The following BCL7A variants were observed in gnomAD, a reference collection of about 807,000 sequenced individuals.
The protein encoded by BCL7A is B-cell CLL/lymphoma 7 protein family member A.
BCL7A carries 11 observed loss-of-function variants against 28.4 expected under a neutral mutation model. That is an observed-to-expected ratio of 0.39 (90% CI 0.24 to 0.64). The LOEUF (loss-of-function observed/expected upper bound fraction) is 0.64. Ranked by LOEUF, BCL7A falls within the 30% of genes least tolerant of loss-of-function variation. The pLI is 0.50. For synonymous variants in BCL7A, 123 were observed against 103.3 expected (o/e 1.19, Z -1.15); for missense variants, 222 against 274.8 (o/e 0.81, Z 1.36).
intron 2 of BCL7A, among the ~76,000 whole-genome samples, chr12:122,031,200 C>A (rs905605261): frequency 6.6e-6 from 1 of 152,036 alleles, no homozygotes; most frequent in Non-Finnish European, 1.5e-5. Flanking sequence ...CCAATTTTTT[C>A]GTATTTTTAG....
chr12:122,059,107 C>G lies in BCL7A; in HGVS notation c.577C>G (p.Pro193Ala), dbSNP rs548078714. 2 of 1,610,868 alleles carry G rather than the reference C, an allele frequency of 1.2e-6. No homozygotes were observed. The highest frequency in any genetic ancestry group is 1.7e-6 in the Non-Finnish European group (2 of 1,177,156). ...TCTCCCCAAGGATTTGGAAGGAGTG[C>G]CACCCTCTAAAAAGATGAAACTGGA... The part of the protein sequence containing the change: ...SAISQDLEGV[P>A]PSKKMKLEAS... Residue 193 changes from proline to alanine, a missense_variant, in exon 6 of 6, where the codon CCA becomes GCA. Pro to Ala is a conservative substitution (Grantham distance 27). Around this residue, in one of 2 missense-constraint regions of BCL7A, gnomAD observed 155 missense variants for 145.7 expected, o/e 1.06. Transcript: ENST00000261822. This position sits in a 1 kb window ranked among gnomAD's most constrained non-coding sequence, Gnocchi z 4.0.
intron 5 of BCL7A, among the ~76,000 whole-genome samples, chr12:122,056,866 G>A (rs1275283387): frequency 2.6e-5 from 4 of 152,152 alleles, no homozygotes; most frequent in African/African-American, 9.6e-5. Context: ...CTGACTCCCT[G>A]CGATCCCTGC....
At chr12:122,058,996 C>A in intron 5 of BCL7A, 96 bp from the exon 6 acceptor site, 2 of 1,090,896 alleles carry the variant, frequency 1.8e-6, no homozygotes, top group Non-Finnish European at 2.8e-6. Flanking sequence ...GCCGCCCCCG[C>A]TCGGTTCCTT....
chr12:122,023,947 G>A (rs1883545132), intron 1 of BCL7A, among the ~76,000 whole-genome samples: 1 of 152,198 alleles, frequency 6.6e-6, no homozygotes, highest in East Asian at 1.9e-4. Context: ...GCTCGAGGAG[G>A]CGTGGTGGGG....
chr12:122,058,948 T>G, intron 5 of BCL7A, 144 bp from the exon 6 acceptor site: 1 of 637,348 alleles, frequency 1.6e-6, no homozygotes, highest in Non-Finnish European at 2.8e-6. Flanking sequence ...AGTCCACGCT[T>G]GGGCCTCGGG....
chr12:122,047,638 C>T (rs1189076912), intron 4 of BCL7A, among the ~76,000 whole-genome samples: 2 of 151,976 alleles, frequency 1.3e-5, no homozygotes. Context: ...GATCCTCCTG[C>T]CTCAGTCTCC....
chr12:122,024,118 C>T, intron 1 of BCL7A, among the ~76,000 whole-genome samples: 1 of 152,308 alleles, frequency 6.6e-6, no homozygotes. Context: ...GCCCGCTGAC[C>T]CCGCGGGGAC....
chr12:122,040,667 C>T (rs985949410), intron 3 of BCL7A, among the ~76,000 whole-genome samples: 1 of 151,718 alleles, frequency 6.6e-6, no homozygotes, highest in Admixed American at 6.6e-5. Context: ...TTTTAGTGCA[C>T]GTGCAGCCGA....
In BCL7A at chr12:122,061,463, C is replaced by T. The variant is rs565545947; in HGVS notation, c.*2300C>T. ...AAAGCGCCAGCAGCCCTGCACTCCA[C>T]GCTGGCCAAGAAGGCCTTCCACGCA... is the stretch of plus-strand genomic sequence containing the variant. On this transcript the variant is annotated 3_prime_UTR_variant, in exon 6 of 6. Transcript: ENST00000261822. 8 of 232,130 alleles carry T rather than the reference C, an allele frequency of 3.4e-5. No homozygotes were observed. In the South Asian group the frequency reaches 9.1e-4, roughly 26 times the overall value. 14.4% of individuals were successfully genotyped at this position (232,130 alleles called of 1,614,324 possible). A position where few individuals can be genotyped will look rare whatever the true frequency, so the allele number is the denominator to read the frequency against.
intron 1 of BCL7A, among the ~76,000 whole-genome samples, chr12:122,030,045 G>A (rs1244406847): frequency 2.0e-5 from 3 of 152,174 alleles, no homozygotes; most frequent in Admixed American, 6.5e-5. Flanking sequence ...GGGTGACCTT[G>A]CAGACAGGGT....
At chr12:122,037,075 TGA>T (rs1254017692) in intron 3 of BCL7A, among the ~76,000 whole-genome samples, 1 of 152,210 alleles carries the variant, frequency 6.6e-6, no homozygotes, top group Non-Finnish European at 1.5e-5. Context: ...TGCCATCCCT[TGA>T]GAAATCAGAT....
intron 1 of BCL7A, among the ~76,000 whole-genome samples, chr12:122,023,253 T>C (rs1883516984): frequency 6.6e-6 from 1 of 152,292 alleles, no homozygotes; most frequent in Non-Finnish European, 1.5e-5. Context: ...ATTATTTTTT[T>C]CCCACGCCTT....
intron 2 of BCL7A, among the ~76,000 whole-genome samples, chr12:122,033,289 C>G (rs1302922524): frequency 6.6e-6 from 1 of 151,918 alleles, no homozygotes; most frequent in Non-Finnish European, 1.5e-5. Flanking sequence ...GCATGCATAC[C>G]TGGCTAATTT....
intron 2 of BCL7A, 134 bp downstream of exon 2, chr12:122,030,915 A>T: frequency 1.2e-6 from 1 of 847,592 alleles, no homozygotes; most frequent in Non-Finnish European, 1.9e-6. Flanking sequence ...AGAAGGACCC[A>T]GATTAGACCT....
chr12:122,022,915 G>C (rs958607296), intron 1 of BCL7A, among the ~76,000 whole-genome samples: 8 of 152,060 alleles, frequency 5.3e-5, no homozygotes, highest in Non-Finnish European at 1.2e-4. Context: ...CGGGGGGCTC[G>C]GGCCAGCCGA....
At chr12:122,052,750 T>C (rs1353878916) in intron 4 of BCL7A, among the ~76,000 whole-genome samples, 1 of 151,864 alleles carries the variant, frequency 6.6e-6, no homozygotes, top group Non-Finnish European at 1.5e-5. Context: ...TGGCATGATC[T>C]TGTCTCACTG....
rs1883900095 is a variant in BCL7A at position 122,038,431 on chromosome 12, C to CACAAAA, written c.271+3005_271+3006insCAAAAA. 4.6e-3 allele frequency among the ~76,000 whole-genome samples: 155 copies of CACAAAA among 33,540 alleles called. 18 individuals are homozygous for CACAAAA. Among genetic ancestry groups the CACAAAA allele is most frequent in the African/African-American group, 8.8e-3 (119 of 13,522 alleles). The allele number at this position is 33,540 out of a possible 152,430, so 22.0% of individuals were successfully genotyped here. On this transcript the variant is annotated intron_variant, in intron 3 of 5. Coordinates refer to ENST00000261822, the MANE Select transcript of BCL7A (RefSeq NM_001024808.3). ...TGGGCAAAGGAGCGAGACTCTGCCT[C>CACAAAA]AAAAAAAAAAAAAAAAAAAAAAAAA...
rs577990773 is a variant in BCL7A, at chr12:122,023,186, A to G, written c.92+1003A>G. Among the ~76,000 whole-genome samples, 4 of 152,284 alleles carry G rather than the reference A, an allele frequency of 2.6e-5. No homozygotes were observed. In the East Asian group the frequency reaches 5.8e-4, roughly 22 times the overall value. ...CCTGGGCCAGGCCCGAGGCGCAAGCAGATCGCCAGGTTGGGTCAGAGTTGT... is the reference window on the plus strand; with the variant it reads ...CCTGGGCCAGGCCCGAGGCGCAAGCGGATCGCCAGGTTGGGTCAGAGTTGT... On this transcript the variant is annotated intron_variant, in intron 1 of 5. Coordinates refer to ENST00000261822, the MANE Select transcript of BCL7A (RefSeq NM_001024808.3).
intron 2 of BCL7A, among the ~76,000 whole-genome samples, chr12:122,032,786 C>T (rs556258992): frequency 3.7e-4 from 57 of 152,268 alleles, no homozygotes; most frequent in Non-Finnish European, 5.9e-4. Context: ...GCTGTGCAGA[C>T]GGTGCCGAGA....
Sources: allele counts gnomAD v4.1 joint callset (sites outside exome capture counted in the v4.1 genomes callset), GRCh38; gene constraint gnomAD v4.1.1; regional missense constraint gnomAD v4.1.1; non-coding constraint Gnocchi (gnomAD v3.1); transcripts MANE v1.5; gene names NCBI Gene and HGNC (gene_info 2026-07-23, HGNC 2026-07-21).